DISP1: variants seen among roughly 807,000 people sequenced by gnomAD.
DISP1 encodes dispatched RND transporter family member 1.
DISP1 carries 30 observed loss-of-function variants against 37.3 expected under a neutral mutation model. The observed-to-expected ratio is 0.80, with a 90% CI of 0.60 to 1.09. DISP1 has a LOEUF of 1.09. DISP1 is among the 50% of genes least tolerant of loss of function. The probability of loss-of-function intolerance (pLI) is 0.00; values close to 1 mark genes in which losing one functional copy is unlikely to be tolerated. For synonymous variants in DISP1, 634 were observed against 690.2 expected (o/e 0.92, Z 1.28); for missense variants, 1,598 against 1,879.5 (o/e 0.85, Z 2.77).
intron 3 of DISP1, among the ~76,000 whole-genome samples, chr1:222,945,464 A>G (rs2125499999): frequency 6.6e-6 from 1 of 152,364 alleles, no homozygotes; most frequent in Non-Finnish European, 1.5e-5. Context: ...ATATTTCTGC[A>G]TTTTGAAGCT....
intron 4 of DISP1, 34 bp from the exon 5 acceptor site, chr1:222,990,591 G>A: frequency 1.2e-6 from 2 of 1,613,506 alleles, no homozygotes; most frequent in Non-Finnish European, 1.7e-6. Flanking sequence ...TAGTTATGCA[G>A]CTCTGATAGC....
In DISP1 at chr1:222,940,493, T is replaced by A. The variant is rs565504421; in HGVS notation, c.-17-2314T>A. Among the ~76,000 whole-genome samples, 3 of 152,296 alleles carry A rather than the reference T, an allele frequency of 2.0e-5. No homozygotes were observed. The South Asian group carries it at 6.2e-4, about 32-fold the overall frequency. On this transcript the variant is annotated intron_variant, in intron 2 of 8. Transcript: ENST00000675850. ...ACATGAGATTTGGGCAGGACACAGA[T>A]CCAAACCCTATCAGCCAGTTTCACT... is the stretch of plus-strand genomic sequence containing the variant.
At chr1:222,937,826 C>T (rs1362452116) in intron 2 of DISP1, among the ~76,000 whole-genome samples, 1 of 144,708 alleles carries the variant, frequency 6.9e-6, no homozygotes, top group East Asian at 2.0e-4. Flanking sequence ...TTTGCATTCC[C>T]CTGTGTTTTA....
chr1:222,950,762 C>T (rs557967477), intron 3 of DISP1, among the ~76,000 whole-genome samples: 9 of 152,294 alleles, frequency 5.9e-5, no homozygotes, highest in East Asian at 5.8e-4. Flanking sequence ...TCACATTCCA[C>T]GTGTGCTGGT....
intron 1 of DISP1, among the ~76,000 whole-genome samples, chr1:222,883,281 A>G (rs562298486): frequency 2.0e-5 from 3 of 152,328 alleles, no homozygotes; most frequent in South Asian, 4.1e-4. Context: ...ATGTACATAT[A>G]TACAAAGTTT....
intron 3 of DISP1, among the ~76,000 whole-genome samples, chr1:222,957,472 C>T (rs953807882): frequency 2.6e-5 from 4 of 152,094 alleles, no homozygotes; most frequent in African/African-American, 9.7e-5. Context: ...ACCTGTAATT[C>T]CAGCTACTCG....
At chr1:222,950,611 A>C (rs1386608012) in intron 3 of DISP1, among the ~76,000 whole-genome samples, 1 of 151,956 alleles carries the variant, frequency 6.6e-6, no homozygotes, top group East Asian at 1.9e-4. Flanking sequence ...AAAAAAAAAA[A>C]CCCATGTGAG....
chr1:222,958,368 C>T (rs185744890), intron 3 of DISP1, among the ~76,000 whole-genome samples: 7 of 152,234 alleles, frequency 4.6e-5, no homozygotes, highest in African/African-American at 1.7e-4. Context: ...AAGTAAAAGA[C>T]AGCAAAGAAA....
chr1:222,979,621 G>A, intron 3 of DISP1: 1 of 471,018 alleles, frequency 2.1e-6, no homozygotes, highest in Non-Finnish European at 4.4e-6. Flanking sequence ...GTCTTTTGTA[G>A]ATTCACCAGA....
intron 8 of DISP1, 100 bp from the exon 9 acceptor site, chr1:223,002,285 T>A: frequency 9.0e-7 from 1 of 1,117,064 alleles, no homozygotes; most frequent in South Asian, 1.2e-5. Context: ...TTTGTAACTT[T>A]CCCTGTCCCT....
At chr1:222,867,896 G>C (rs551209615) in intron 1 of DISP1, among the ~76,000 whole-genome samples, 3 of 152,146 alleles carry the variant, frequency 2.0e-5, no homozygotes, top group Non-Finnish European at 4.4e-5. Context: ...ACTCCCTAAT[G>C]CTTAGGCCAG....
intron 1 of DISP1, among the ~76,000 whole-genome samples, chr1:222,819,599 G>C (rs1317940842): frequency 6.7e-6 from 1 of 149,416 alleles, no homozygotes; most frequent in African/African-American, 2.5e-5. Flanking sequence ...GAGTGCAGTG[G>C]CACGATCTCA....
chr1:222,990,958 G>A (rs1484957746), intron 5 of DISP1, among the ~76,000 whole-genome samples: 1 of 152,126 alleles, frequency 6.6e-6, no homozygotes, highest in Non-Finnish European at 1.5e-5. Flanking sequence ...AATCTGGAAG[G>A]TTTGCTTCTT....
intron 1 of DISP1, among the ~76,000 whole-genome samples, chr1:222,824,932 C>T (rs993704014): frequency 5.9e-5 from 9 of 152,098 alleles, no homozygotes; most frequent in African/African-American, 9.7e-5. Context: ...ATGATGAATG[C>T]GTTTCCATCT....
In DISP1 at chr1:222,938,733, TAAA is replaced by T. The variant is rs33948431; in HGVS notation, c.-17-4047_-17-4045del. Among the ~76,000 whole-genome samples, 203 of 57,616 alleles carry T rather than the reference TAAA, an allele frequency of 3.5e-3. 1 individual carries two copies. The highest frequency in any genetic ancestry group is 0.014 in the Middle Eastern group (1 of 74). 37.8% of individuals were successfully genotyped at this position (57,616 alleles called of 152,430 possible). Reference sequence around the variant, plus strand: ...GGGTGACAGAGCAAGACCCTGTCTTTAAAAAAAAAAAAAAAAAAAAAAAAAAAA... The same window carrying T: ...GGGTGACAGAGCAAGACCCTGTCTTTAAAAAAAAAAAAAAAAAAAAAAAAA... On this transcript the variant is annotated intron_variant, in intron 2 of 8. Coordinates refer to ENST00000675850, the MANE Select transcript of DISP1 (RefSeq NM_001377229.1).
chr1:222,855,282 G>T (rs1668486777), intron 1 of DISP1, among the ~76,000 whole-genome samples: 1 of 152,130 alleles, frequency 6.6e-6, no homozygotes, highest in Non-Finnish European at 1.5e-5. Flanking sequence ...AGAAAGGAAA[G>T]CAGGGACAAA....
chr1:222,911,372 G>A (rs574347247), intron 1 of DISP1, among the ~76,000 whole-genome samples: 1 of 152,272 alleles, frequency 6.6e-6, no homozygotes, highest in Non-Finnish European at 1.5e-5. Flanking sequence ...AAAGAGACTG[G>A]GAGAAGTTGG....
chr1:222,884,897 C>T (rs193215821), intron 1 of DISP1, among the ~76,000 whole-genome samples: 16 of 152,200 alleles, frequency 1.1e-4, no homozygotes, highest in Admixed American at 3.9e-4. Context: ...AGTGCAGTGG[C>T]GCGATCTTGG....
chr1:222,905,939 G>A (rs1175800022), intron 1 of DISP1, among the ~76,000 whole-genome samples: 6 of 152,180 alleles, frequency 3.9e-5, no homozygotes, highest in Admixed American at 6.5e-5. Context: ...AGTGCAATCT[G>A]TAAAAATATG....
Sources: gnomAD v4.1 joint callset for allele counts (sites outside exome capture counted in the v4.1 genomes callset) on GRCh38, gnomAD v4.1.1 for gene constraint, MANE v1.5 for transcripts, NCBI Gene and HGNC (gene_info 2026-07-23, HGNC 2026-07-21) for gene names.